The following ZNF346 variants were observed in gnomAD, a reference collection of about 807,000 sequenced individuals.
ZNF346 encodes double-stranded RNA-binding zinc finger protein JAZ.
ZNF346 carries 23 observed loss-of-function variants against 33.7 expected under a neutral mutation model. The observed-to-expected ratio is 0.68, with a 90% CI of 0.49 to 0.97. ZNF346 has a LOEUF of 0.97. ZNF346 is among the 50% of genes least tolerant of loss of function. The pLI is 0.00. For synonymous variants in ZNF346, 134 were observed against 142.4 expected, an observed-to-expected ratio of 0.94 and a Z score of 0.42; for missense variants, 340 against 371.1, an observed-to-expected ratio of 0.92 and a Z score of 0.69.
chr5:177,073,593 C>T (rs1188825572), intron 8 of ZNF346, among the ~76,000 whole-genome samples: 3 of 152,110 alleles, frequency 2.0e-5, no homozygotes, highest in African/African-American at 4.8e-5. Flanking sequence ...CGTGAGCCAC[C>T]GCACCTGGCC....
chr5:177,063,630 C>T (rs1266750693), intron 6 of ZNF346, among the ~76,000 whole-genome samples: 1 of 152,204 alleles, frequency 6.6e-6, no homozygotes, highest in Non-Finnish European at 1.5e-5. Context: ...CAGTGTTGTT[C>T]GCTGCTCTCT....
chr5:177,044,049 G>A (rs892761321), intron 3 of ZNF346, among the ~76,000 whole-genome samples: 3 of 151,832 alleles, frequency 2.0e-5, no homozygotes, highest in Admixed American at 6.6e-5. Context: ...TTTACTGAAT[G>A]ATGTTTTTTT....
chr5:177,068,317 A>G (rs1225735038), downstream of ZNF346, among the ~76,000 whole-genome samples: 1 of 144,302 alleles, frequency 6.9e-6, no homozygotes, highest in Non-Finnish European at 1.5e-5. Flanking sequence ...AGTGTTAGAA[A>G]CCCAAATCAA....
chr5:177,073,697 A>G (rs1189970639), intron 8 of ZNF346, among the ~76,000 whole-genome samples: 1 of 152,154 alleles, frequency 6.6e-6, no homozygotes, highest in Admixed American at 6.6e-5. Flanking sequence ...GAAAGGAACT[A>G]GAAGAGGCGA....
chr5:177,035,225 G>A (rs996968623), intron 1 of ZNF346, among the ~76,000 whole-genome samples: 6 of 151,964 alleles, frequency 3.9e-5, no homozygotes, highest in Admixed American at 6.6e-5. Context: ...CCATGTTGGC[G>A]AGGCTGGTCT....
At chr5:177,076,259 C>T (rs1783739978) in intron 8 of ZNF346, among the ~76,000 whole-genome samples, 1 of 152,264 alleles carries the variant, frequency 6.6e-6, no homozygotes, top group African/African-American at 2.4e-5. Flanking sequence ...TGTGGGAACA[C>T]TCAAGCAGCC....
intron 1 of ZNF346, among the ~76,000 whole-genome samples, chr5:177,031,998 C>CTTTTTTTTTTTTTTTTTTTTTTTT (rs34021834): frequency 4.4e-5 from 3 of 67,846 alleles, no homozygotes; most frequent in East Asian, 6.1e-4. Context: ...TTTCTTTTTT[C>CTTTTTTTTTTTTTTTTTTTTTTTT]TTTTTTTTTT....
At position 177,050,775 on chromosome 5, in the gene ZNF346, T is replaced by C. The variant is rs1419864661; in HGVS notation, c.542T>C (p.Ile181Thr). Residue 181 changes from isoleucine to threonine, a missense_variant, in exon 5 of 7, where the codon ATA (isoleucine) becomes ACA (threonine). Transcript: ENST00000358149. ...VEALHQNREM[I>T]DPDKFCSLCH... ...GCCTTGCACCAGAATAGAGAGATGATAGACCCAGACAAGTTCTGCAGCCTC... is the reference window on the plus strand; with the variant it reads ...GCCTTGCACCAGAATAGAGAGATGACAGACCCAGACAAGTTCTGCAGCCTC... 6.2e-7 allele frequency: 1 copy of C among 1,614,198 alleles called. No homozygotes were observed. The highest frequency in any genetic ancestry group is 1.7e-5 in the Admixed American group (1 of 60,010).
chr5:177,035,351 A>G (rs558571605), intron 1 of ZNF346, among the ~76,000 whole-genome samples: 2 of 152,302 alleles, frequency 1.3e-5, no homozygotes, highest in South Asian at 2.1e-4. Flanking sequence ...CTCATTTTCC[A>G]TATCAAATCT....
chr5:177,052,192 C>G (rs1383685136), intron 5 of ZNF346, among the ~76,000 whole-genome samples: 1 of 145,426 alleles, frequency 6.9e-6, no homozygotes, highest in Non-Finnish European at 1.5e-5. Context: ...TTTTTTGAGA[C>G]AGTCTCACTC....
chr5:177,031,592 C>T (rs1412076277), intron 1 of ZNF346, among the ~76,000 whole-genome samples: 1 of 151,954 alleles, frequency 6.6e-6, no homozygotes, highest in East Asian at 1.9e-4. Flanking sequence ...TCACATTTTT[C>T]CTAGTTTGGG....
At chr5:177,023,913 G>A (rs949840630) in intron 1 of ZNF346, among the ~76,000 whole-genome samples, 1 of 151,364 alleles carries the variant, frequency 6.6e-6, no homozygotes, top group African/African-American at 2.4e-5. Flanking sequence ...CCATATCTAA[G>A]GAAGGTACAC....
chr5:177,063,816 A>G (rs1305671771), intron 6 of ZNF346, among the ~76,000 whole-genome samples: 3 of 152,134 alleles, frequency 2.0e-5, no homozygotes, highest in Non-Finnish European at 4.4e-5. Context: ...TGAGCCCAGG[A>G]GTTGGAGTGA....
intron 5 of ZNF346, among the ~76,000 whole-genome samples, chr5:177,059,645 G>A (rs891431180): frequency 2.6e-5 from 4 of 152,084 alleles, no homozygotes; most frequent in Admixed American, 6.6e-5. Context: ...CCTAATTAGG[G>A]TCTTATCTCC....
chr5:177,028,707 C>CTTTTTTTTTTT (rs56172509), intron 1 of ZNF346, among the ~76,000 whole-genome samples: 6 of 67,398 alleles, frequency 8.9e-5, no homozygotes, highest in Non-Finnish European at 1.8e-4. Context: ...AAGCCCCTTT[C>CTTTTTTTTTTT]TTTTTTTTTT....
chr5:177,031,150 C>A (rs1777636251), intron 1 of ZNF346, among the ~76,000 whole-genome samples: 1 of 152,174 alleles, frequency 6.6e-6, no homozygotes, highest in Non-Finnish European at 1.5e-5. Context: ...ATTCTCCTGC[C>A]TCAGCCTCCC....
In ZNF346 at chr5:177,022,844, T is replaced by C. The variant is rs1479613477; in HGVS notation, c.106T>C (p.Phe36Leu). 1 of 1,535,534 alleles carries C rather than the reference T, an allele frequency of 6.5e-7. No individual in the cohort carries two copies. The highest frequency in any genetic ancestry group is 8.8e-7 in the Non-Finnish European group (1 of 1,140,292). Residue 36 changes from phenylalanine to leucine, a missense_variant, in exon 1 of 7, where the codon TTT (phenylalanine) becomes CTT (leucine). Transcript: ENST00000358149. Reference protein sequence around the residue: ...LEGQEPDGVRFDRERARRLWE... With the variant: ...LEGQEPDGVRLDRERARRLWE... ...GGGCCAGGAGCCGGACGGGGTGCGC[T>C]TTGACCGCGAGAGGGCGCGCCGCCT...
At chr5:177,073,811 G>A (rs1783613986) in intron 8 of ZNF346, among the ~76,000 whole-genome samples, 1 of 131,526 alleles carries the variant, frequency 7.6e-6, no homozygotes. Flanking sequence ...CTCCCATCAA[G>A]ATCGGGCGGG....
intron 1 of ZNF346, among the ~76,000 whole-genome samples, chr5:177,029,342 GA>G (rs1184306135): frequency 6.6e-6 from 1 of 152,160 alleles, no homozygotes; most frequent in African/African-American, 2.4e-5. Flanking sequence ...ATTCCATGGG[GA>G]TAGACGCTCC....
Sources: gnomAD v4.1 joint callset for allele counts (sites outside exome capture counted in the v4.1 genomes callset) on GRCh38, gnomAD v4.1.1 for gene constraint, MANE v1.5 for transcripts, NCBI Gene and HGNC (gene_info 2026-07-23, HGNC 2026-07-21) for gene names.